Variants in NRG4 observed in about 807,000 individuals in gnomAD.
NRG4 encodes pro-neuregulin-4, membrane-bound isoform.
Under a neutral mutation model 15.0 loss-of-function variants are expected in NRG4, and 10 were observed. That is an observed-to-expected ratio of 0.67 (90% CI 0.41 to 1.13). The LOEUF (loss-of-function observed/expected upper bound fraction) is 1.13. NRG4 is among the 50% of genes most tolerant of loss of function. NRG4 has a pLI of 0.00. For synonymous variants in NRG4, 41 were observed against 50.1 expected (o/e 0.82, Z 0.77); for missense variants, 139 against 140.2 (o/e 0.99, Z 0.04).
intron 3 of NRG4, among the ~76,000 whole-genome samples, chr15:75,981,978 G>A (rs1458480346): frequency 1.3e-5 from 2 of 151,528 alleles, no homozygotes; most frequent in Non-Finnish European, 2.9e-5. Context: ...CTGATTTACA[G>A]AGAAGAAAAT....
At chr15:75,998,651 T>C (rs751584025) in intron 3 of NRG4, among the ~76,000 whole-genome samples, 2 of 151,962 alleles carry the variant, frequency 1.3e-5, no homozygotes, top group Non-Finnish European at 2.9e-5. Context: ...CACTGAAGGG[T>C]TTTAAGCATA....
intron 5 of NRG4, among the ~76,000 whole-genome samples, chr15:75,944,428 T>TAA (rs1228093164): frequency 6.6e-6 from 1 of 152,126 alleles, no homozygotes; most frequent in Non-Finnish European, 1.5e-5. Flanking sequence ...AACAACAATA[T>TAA]AAATGCATGC....
intron 5 of NRG4, among the ~76,000 whole-genome samples, chr15:76,021,461 T>G (rs1255566283): frequency 6.6e-6 from 1 of 152,250 alleles, no homozygotes; most frequent in East Asian, 1.9e-4. Flanking sequence ...TGTGACTCAC[T>G]TTATTGTGAT....
intron 2 of NRG4, among the ~76,000 whole-genome samples, chr15:76,054,639 TC>T (rs2036110466): frequency 6.6e-6 from 1 of 152,186 alleles, no homozygotes; most frequent in Non-Finnish European, 1.5e-5. Flanking sequence ...GGTCTCAAAC[TC>T]CAGACCTCAG....
intron 5 of NRG4, among the ~76,000 whole-genome samples, chr15:76,021,397 A>G (rs1354953126): frequency 1.3e-5 from 2 of 152,226 alleles, no homozygotes; most frequent in African/African-American, 4.8e-5. Flanking sequence ...TGCATACCTA[A>G]TAGGCTATAG....
In NRG4 at chr15:75,994,335, C is replaced by T. The variant is rs142950063; in HGVS notation, c.104+14865G>A. Among the ~76,000 whole-genome samples, 44 of 151,976 alleles carry T rather than the reference C, an allele frequency of 2.9e-4. No homozygotes were observed. In the East Asian group the frequency reaches 8.3e-3, roughly 29 times the overall value. ...AGAACTCAGGCTCCCCCTCTGTGGC[C>T]CTCTTCAGGACATTCAATTTCCAGC... On this transcript the variant is annotated intron_variant, in intron 3 of 5. Coordinates refer to ENST00000394907, the MANE Select transcript of NRG4 (RefSeq NM_138573.4).
At chr15:76,000,458 C>T (rs1407063345) in intron 3 of NRG4, among the ~76,000 whole-genome samples, 2 of 152,068 alleles carry the variant, frequency 1.3e-5, no homozygotes, top group African/African-American at 4.8e-5. Flanking sequence ...TTCCTCATAA[C>T]TAGGAAAATA....
rs1175644207 is a variant in NRG4, at chr15:75,963,120, G to C, written c.105-1146C>G. ...AACAAATAAGAGAAAAGAACATCAA[G>C]ATATAGCACAAAGGATCAATTTGAG... On this transcript the variant is annotated intron_variant, in intron 3 of 5. Transcript: ENST00000394907. 3.3e-5 allele frequency among the ~76,000 whole-genome samples: 5 copies of C among 152,260 alleles called. No homozygotes were observed. In the East Asian group the frequency reaches 9.6e-4, roughly 29 times the overall value.
upstream of NRG4, among the ~76,000 whole-genome samples, chr15:76,017,155 CTT>C (rs66838505): frequency 7.6e-5 from 4 of 52,318 alleles, no homozygotes; most frequent in Non-Finnish European, 1.2e-4. Flanking sequence ...CAACCCCTGC[CTT>C]TTTTTTTTTT....
At chr15:75,990,913 T>A (rs2033989929) in intron 3 of NRG4, among the ~76,000 whole-genome samples, 1 of 152,044 alleles carries the variant, frequency 6.6e-6, no homozygotes, top group South Asian at 2.1e-4. Context: ...GGCCTTAAAT[T>A]GTTCCTCCCA....
chr15:76,031,743 T>TA (rs2035477448), intron 5 of NRG4, among the ~76,000 whole-genome samples: 1 of 152,096 alleles, frequency 6.6e-6, no homozygotes, highest in African/African-American at 2.4e-5. Context: ...TAATCCCAGC[T>TA]ACTTGGGAGG....
intron 4 of NRG4, among the ~76,000 whole-genome samples, chr15:76,039,226 C>T (rs2141951477): frequency 6.6e-6 from 1 of 152,224 alleles, no homozygotes; most frequent in East Asian, 1.9e-4. Flanking sequence ...TATCCACAAG[C>T]ATCAAGACCA....
chr15:75,977,565 AG>A lies in NRG4; in HGVS notation c.105-15592del, dbSNP rs1273209699. ...CCTTGGCACTTCCCTTGGCTAGGGGAGGGAATTCCCCCAACCCTTGTGCTTC... is the reference window on the plus strand; with the variant it reads ...CCTTGGCACTTCCCTTGGCTAGGGGAGGAATTCCCCCAACCCTTGTGCTTC... On this transcript the variant is annotated intron_variant, in intron 3 of 5. Transcript: ENST00000394907. This position sits in a 1 kb window ranked among gnomAD's most constrained non-coding sequence, Gnocchi z 4.9. Among the ~76,000 whole-genome samples the A allele has an allele frequency of 6.6e-6, 1 of 152,100 alleles. No individual in the cohort carries two copies. The highest frequency in any genetic ancestry group is 1.5e-5 in the Non-Finnish European group (1 of 68,010).
chr15:76,034,000 T>A (rs2035539680), intron 5 of NRG4, among the ~76,000 whole-genome samples: 1 of 152,214 alleles, frequency 6.6e-6, no homozygotes, highest in South Asian at 2.1e-4. Context: ...CAACCCAACA[T>A]GCACATACAC....
chr15:76,029,380 C>G (rs181753921), intron 5 of NRG4, among the ~76,000 whole-genome samples: 11 of 152,292 alleles, frequency 7.2e-5, no homozygotes, highest in Admixed American at 5.2e-4. Flanking sequence ...AAGATGCCCA[C>G]TCTCACCACT....
intron 5 of NRG4, among the ~76,000 whole-genome samples, chr15:75,944,644 T>C (rs1409791892): frequency 6.6e-6 from 1 of 152,226 alleles, no homozygotes; most frequent in African/African-American, 2.4e-5. Flanking sequence ...ATGATTTTCA[T>C]AATATGAGCT....
At chr15:76,055,809 A>G (rs1285862774) in intron 2 of NRG4, among the ~76,000 whole-genome samples, 2 of 152,214 alleles carry the variant, frequency 1.3e-5, no homozygotes, top group African/African-American at 4.8e-5. Flanking sequence ...ACTGGTACAT[A>G]AAAATTACTG....
intron 3 of NRG4, among the ~76,000 whole-genome samples, chr15:75,975,077 C>A (rs751824326): frequency 1.3e-5 from 2 of 152,098 alleles, no homozygotes; most frequent in Non-Finnish European, 2.9e-5. Flanking sequence ...GCTCTTCTTA[C>A]TGCATTGATC....
intron 4 of NRG4, among the ~76,000 whole-genome samples, chr15:76,048,471 CAAAAAAAAAAA>C (rs35429006): frequency 9.5e-5 from 7 of 74,008 alleles, no homozygotes; most frequent in Non-Finnish European, 1.9e-4. Flanking sequence ...GACTCTGACT[CAAAAAAAAAAA>C]AAAAAAAAAG....
Sources: allele counts gnomAD v4.1 joint callset (sites outside exome capture counted in the v4.1 genomes callset), GRCh38; gene constraint gnomAD v4.1.1; non-coding constraint Gnocchi (gnomAD v3.1); transcripts MANE v1.5; gene names NCBI Gene and HGNC (gene_info 2026-07-23, HGNC 2026-07-21).